Variants in RTKN observed in about 807,000 individuals in gnomAD.
The protein encoded by RTKN is rhotekin.
A neutral mutation model predicts 63.5 loss-of-function variants in RTKN; 49 were observed. The ratio of observed to expected loss-of-function variants is 0.77; its 90% CI spans 0.61 to 0.98. The LOEUF is 0.98. Among genes scored for constraint, RTKN ranks in the 50% least tolerant of loss-of-function variants. RTKN has a pLI of 0.00. For missense variants in RTKN, 685 were observed against 740.8 expected (o/e 0.92, Z 0.87); for synonymous variants, 295 against 290.4 (o/e 1.02, Z -0.16).
At chr2:74,440,357 CT>C (rs2103932728) in intron 1 of RTKN, 1 of 986,334 alleles carries the variant, frequency 1.0e-6, no homozygotes, top group Non-Finnish European at 1.2e-6. Context: ...AATTACCTCG[CT>C]TTTCCAGAGA....
In RTKN at chr2:74,428,622, C is replaced by A. The variant is rs1222971060; in HGVS notation, c.957+9G>T. On this transcript the variant is annotated intron_variant, in intron 8 of 11. Coordinates refer to ENST00000272430, the MANE Select transcript of RTKN (RefSeq NM_001015055.2). The stretch of plus-strand genomic sequence containing the variant: ...CCCTGCTCCCTTCCACTCCTCAGGG[C>A]CCCCTCACCTGCACCCTGAGGGTAC... 1.9e-6 allele frequency: 3 copies of A among 1,605,244 alleles called. No individual in the cohort carries two copies. The South Asian group carries it at 3.3e-5, about 18-fold the overall frequency.
In RTKN at chr2:74,436,352, C is replaced by T. The variant is rs1183523622; in HGVS notation, c.112-3686G>A. Among the ~76,000 whole-genome samples, 1 of 152,242 alleles carries T rather than the reference C, an allele frequency of 6.6e-6. No individual in the cohort carries two copies. Among genetic ancestry groups the T allele is most frequent in the East Asian group, 1.9e-4 (1 of 5,196 alleles). On this transcript the variant is annotated intron_variant, in intron 1 of 11. Transcript: ENST00000272430. The surrounding 1 kb of genome is among the most constrained non-coding windows in gnomAD (Gnocchi z 4.3). Reference sequence around the variant, plus strand: ...CCGCCTCCAGCTGCAGCGCTCAGGACGCCGGTGACATCAGCTCCCAATTGC... The same window carrying T: ...CCGCCTCCAGCTGCAGCGCTCAGGATGCCGGTGACATCAGCTCCCAATTGC...
Position 74,427,552 on chromosome 2 carries a change from C to T in RTKN, c.1127G>A (p.Gly376Glu). Residue 376 changes from glycine (G) to glutamate (E), a missense_variant, in exon 10 of 12, where the codon GGA (glycine) becomes GAA (glutamate). By Grantham distance (98) the Gly-to-Glu change is moderately conservative. Transcript: ENST00000272430. ...ACTGATGCTTAGGGTGAAGGGCCGTCCTAGAGCCTGGTCCAGCTCCCCTGC... is the reference window on the plus strand; with the variant it reads ...ACTGATGCTTAGGGTGAAGGGCCGTTCTAGAGCCTGGTCCAGCTCCCCTGC... ...VRAGELDQAL[G>E]RPFTLSISNQ... 6.2e-7 allele frequency: 1 copy of T among 1,613,766 alleles called. No individual in the cohort carries two copies. Among genetic ancestry groups the T allele is most frequent in the Non-Finnish European group, 8.5e-7 (1 of 1,180,018 alleles).
chr2:74,429,766 C>G, intron 6 of RTKN, 62 bp downstream of exon 6: 2 of 1,497,934 alleles, frequency 1.3e-6, no homozygotes, highest in Non-Finnish European at 1.9e-6. Context: ...CAACACAGTT[C>G]AAAGGTCACC....
Position 74,429,840 on chromosome 2 carries a change from G to A in RTKN, c.743C>T (p.Thr248Ile), listed in dbSNP as rs746657691. 3.7e-5 allele frequency: 59 copies of A among 1,613,742 alleles called. No homozygotes were observed. The highest frequency in any genetic ancestry group is 5.0e-5 in the Non-Finnish European group (59 of 1,179,870). Reference sequence around the variant, plus strand: ...TGCAAGGCCTTACCCAACAACTGGGGTGGGGAGCAAGATGGGACTGCTCCC... The same window carrying A: ...TGCAAGGCCTTACCCAACAACTGGGATGGGGAGCAAGATGGGACTGCTCCC... ...GSGSSPILLP[T>I]PVVGGPRYHL... Residue 248 changes from threonine (T) to isoleucine (I), a missense_variant, in exon 6 of 12, where the codon ACC becomes ATC. Coordinates refer to ENST00000272430, the MANE Select transcript of RTKN (RefSeq NM_001015055.2).
intron 6 of RTKN, 63 bp downstream of exon 6, chr2:74,429,765 T>C: frequency 6.7e-7 from 1 of 1,503,558 alleles, no homozygotes; most frequent in Non-Finnish European, 9.2e-7. Context: ...TCAACACAGT[T>C]CAAAGGTCAC....
In RTKN at chr2:74,426,797, A is replaced by G. The variant is rs1273838133; in HGVS notation, c.1361-223T>C. ...GGGCACAAGGTAGATGGGGATGGGAAGGGGAGGAGTGGGGAGCAGAGGTGG... is the reference window on the plus strand; with the variant it reads ...GGGCACAAGGTAGATGGGGATGGGAGGGGGAGGAGTGGGGAGCAGAGGTGG... On this transcript the variant is annotated intron_variant, in intron 11 of 11. Coordinates refer to ENST00000272430, the MANE Select transcript of RTKN (RefSeq NM_001015055.2). 2.0e-5 allele frequency: 27 copies of G among 1,351,346 alleles called. 1 individual carries two copies. Among genetic ancestry groups the G allele is most frequent in the Admixed American group, 1.8e-4 (5 of 28,156 alleles). The allele number at this position is 1,351,346 out of a possible 1,614,324, so 83.7% of individuals were successfully genotyped here.
chr2:74,426,408 G>T lies in RTKN; in HGVS notation c.1527C>A (p.His509Gln), dbSNP rs1033282883. The change falls in exon 12 of 12, where the codon CAC (histidine) becomes CAA (glutamine). Residue 509 changes from histidine to glutamine, a missense_variant. By Grantham distance (24) the His-to-Gln change is conservative. Transcript: ENST00000272430. ...TTCGGGGTCTCCCCCAGGGCAGGGG[G>T]TGGGTCCAGTCTGGGGCTGGGGCCA... ...ASVAPAPDWTHPLPWGRPRTF... is the reference protein window; with the variant it reads ...ASVAPAPDWTQPLPWGRPRTF... 5 of 1,611,978 alleles carry T rather than the reference G, an allele frequency of 3.1e-6. No homozygotes were observed. Among genetic ancestry groups the T allele is most frequent in the Non-Finnish European group, 4.2e-6 (5 of 1,179,172 alleles).
In RTKN at chr2:74,427,243, A is replaced by G; in HGVS notation, c.1286T>C (p.Met429Thr). The G allele has an allele frequency of 6.2e-7, 1 of 1,614,154 alleles. No individual in the cohort carries two copies. Among genetic ancestry groups the G allele is most frequent in the Non-Finnish European group, 8.5e-7 (1 of 1,180,026 alleles). ...CCGGGGAGCAGGAGTTTCAATTTTC[A>G]TGATTTCATCACAGCACTGCTTCCA... is the stretch of plus-strand genomic sequence containing the variant. ...SQWKQCCDEIMKIETPAPRKP... is the reference protein window; with the variant it reads ...SQWKQCCDEITKIETPAPRKP... The change falls in exon 11 of 12, where the codon ATG (methionine) becomes ACG (threonine). Residue 429 changes from methionine (M) to threonine (T), a missense_variant. Transcript: ENST00000272430.
intron 1 of RTKN, chr2:74,440,047 G>T: frequency 1.0e-6 from 1 of 970,708 alleles, no homozygotes; most frequent in Non-Finnish European, 1.3e-6. Context: ...TCCCTGGCCT[G>T]GTGGACAGGG....
At position 74,436,653 on chromosome 2, in the gene RTKN, G is replaced by A. The variant is rs1671078941; in HGVS notation, c.112-3987C>T. Among the ~76,000 whole-genome samples the A allele has an allele frequency of 6.6e-6, 1 of 152,148 alleles. No homozygotes were observed. The highest frequency in any genetic ancestry group is 1.5e-5 in the Non-Finnish European group (1 of 67,998). ...ATTGGGAGAGCTGGGGCCCTAGGGA[G>A]GTCACTGGGCCCAGCATGGATGAGT... On this transcript the variant is annotated intron_variant, in intron 1 of 11. Coordinates refer to ENST00000272430, the MANE Select transcript of RTKN (RefSeq NM_001015055.2). The surrounding 1 kb of genome is among the most constrained non-coding windows in gnomAD (Gnocchi z 4.3).
chr2:74,430,777 C>T (rs948182550), intron 2 of RTKN, 100 bp from the exon 3 acceptor site: 4 of 1,180,484 alleles, frequency 3.4e-6, no homozygotes, highest in Non-Finnish European at 4.7e-6. Flanking sequence ...AGCGCCTCAG[C>T]CACCAGGTTC....
At chr2:74,429,054 C>T in intron 6 of RTKN, 112 bp from the exon 7 acceptor site, 1 of 797,390 alleles carries the variant, frequency 1.3e-6, no homozygotes, top group South Asian at 1.5e-5. Flanking sequence ...AGAAAACTCG[C>T]TTGCCTCCCC....
intron 1 of RTKN, 68 bp from the exon 2 acceptor site, chr2:74,432,734 TC>T: frequency 7.1e-7 from 1 of 1,412,142 alleles, no homozygotes; most frequent in Non-Finnish European, 9.9e-7. Flanking sequence ...CACTCCCCAG[TC>T]CCCAGGTGGG....
At chr2:74,441,226 TC>T (rs2103936347) in intron 1 of RTKN, among the ~76,000 whole-genome samples, 1 of 152,292 alleles carries the variant, frequency 6.6e-6, no homozygotes, top group African/African-American at 2.4e-5. Context: ...GAATTGGGCT[TC>T]GGGGAAGCGA....
Position 74,430,050 on chromosome 2 carries a change from A to C in RTKN, c.546-13T>G, listed in dbSNP as rs976559023. 6 of 1,613,644 alleles carry C rather than the reference A, an allele frequency of 3.7e-6. No homozygotes were observed. In the African/African-American group the frequency reaches 6.7e-5, roughly 18 times the overall value. On this transcript the variant is annotated splice_polypyrimidine_tract_variant and intron_variant, in intron 5 of 11. Transcript: ENST00000272430. ...CCCCGCCTCAGCGCTGGTGGGAGGA[A>C]GAAAGGAGGGTGGTCACAGGAAAGT... is the stretch of plus-strand genomic sequence containing the variant.
rs1346169861 is a variant in RTKN at position 74,426,076 on chromosome 2, C to G, written c.*167G>C. ...ATGAGTCCCTCGGTACCATGGCAACCACAATTTAAGAGGGGCTTCTGCCCA... is the reference window on the plus strand; with the variant it reads ...ATGAGTCCCTCGGTACCATGGCAACGACAATTTAAGAGGGGCTTCTGCCCA... On this transcript the variant is annotated 3_prime_UTR_variant, in exon 12 of 12. Transcript: ENST00000272430. 2.2e-5 allele frequency: 16 copies of G among 724,164 alleles called. No homozygotes were observed. The highest frequency in any genetic ancestry group is 3.5e-5 in the Non-Finnish European group (15 of 428,536). 44.9% of individuals were successfully genotyped at this position (724,164 alleles called of 1,614,324 possible). A position where few individuals can be genotyped will look rare whatever the true frequency, so the allele number is the denominator to read the frequency against.
chr2:74,426,093 TTC>T lies in RTKN; in HGVS notation c.*148_*149del. The T allele has an allele frequency of 1.3e-6, 1 of 762,362 alleles. No individual in the cohort carries two copies. Among genetic ancestry groups the T allele is most frequent in the Non-Finnish European group, 2.2e-6 (1 of 458,202 alleles). The allele number at this position is 762,362 out of a possible 1,614,324, so 47.2% of individuals were successfully genotyped here. ...ATGGCAACCACAATTTAAGAGGGGC[TTC>T]TGCCCACCCCTGCAGCCTACCCCAG... On this transcript the variant is annotated 3_prime_UTR_variant, in exon 12 of 12. Transcript: ENST00000272430.
At chr2:74,429,262 G>C (rs1670601844) in intron 6 of RTKN, among the ~76,000 whole-genome samples, 1 of 152,084 alleles carries the variant, frequency 6.6e-6, no homozygotes. Flanking sequence ...GTTTGAATTT[G>C]AACCCATATC....
Sources: allele counts gnomAD v4.1 joint callset (sites outside exome capture counted in the v4.1 genomes callset), GRCh38; gene constraint gnomAD v4.1.1; non-coding constraint Gnocchi (gnomAD v3.1); transcripts MANE v1.5; gene names NCBI Gene and HGNC (gene_info 2026-07-23, HGNC 2026-07-21).